Variants in DCC observed in about 807,000 individuals in gnomAD.
The protein encoded by DCC is DCC netrin 1 receptor.
A neutral mutation model predicts 172.5 loss-of-function variants in DCC; 58 were observed. The observed-to-expected ratio is 0.34, with a 90% CI of 0.27 to 0.42. The LOEUF (loss-of-function observed/expected upper bound fraction) is 0.42. DCC is among the 10% of genes least tolerant of loss of function. DCC has a pLI of 1.00. For missense variants in DCC, 1,740 were observed against 1,791.0 expected (o/e 0.97, Z 0.51); for synonymous variants, 709 against 644.5 (o/e 1.10, Z -1.52).
intron 1 of DCC, among the ~76,000 whole-genome samples, chr18:52,349,352 C>G (rs866714410): frequency 1.3e-5 from 2 of 152,162 alleles, no homozygotes; most frequent in African/African-American, 4.8e-5. Context: ...GACATCTAAG[C>G]AAACCCTCTG....
chr18:53,312,197 GTGT>G (rs539827331), intron 13 of DCC, among the ~76,000 whole-genome samples: 1 of 95,832 alleles, frequency 1.0e-5, no homozygotes, highest in African/African-American at 4.3e-5. Context: ...AATTAGCCTG[GTGT>G]GGTGGTGGCG....
At chr18:52,951,119 T>A (rs565093889) in intron 5 of DCC, among the ~76,000 whole-genome samples, 26 of 152,006 alleles carry the variant, frequency 1.7e-4, no homozygotes, top group South Asian at 2.1e-4. Context: ...TTCGGTAATG[T>A]TTCAGTTGAG....
At chr18:52,580,247 G>T (rs1185146602) in intron 1 of DCC, among the ~76,000 whole-genome samples, 1 of 152,152 alleles carries the variant, frequency 6.6e-6, no homozygotes, top group Non-Finnish European at 1.5e-5. Flanking sequence ...GACAAAATGA[G>T]ACTTTTGTTT....
intron 1 of DCC, among the ~76,000 whole-genome samples, chr18:52,471,412 TC>T (rs1412498204): frequency 1.3e-5 from 2 of 152,242 alleles, no homozygotes; most frequent in Non-Finnish European, 2.9e-5. Context: ...CAGACCTTTT[TC>T]ATCAGTTTGT....
intron 15 of DCC, among the ~76,000 whole-genome samples, chr18:53,361,590 C>T (rs201185104): frequency 3.9e-5 from 6 of 152,042 alleles, no homozygotes; most frequent in Non-Finnish European, 8.8e-5. Context: ...CTCAGCTATC[C>T]GAAAGAACTG....
chr18:52,986,737 C>CATATATATACACACACACGTGTAGT (rs2041299368), intron 5 of DCC, among the ~76,000 whole-genome samples: 2 of 151,808 alleles, frequency 1.3e-5, no homozygotes, highest in South Asian at 2.1e-4. Context: ...TACACACACA[C>CATATATATACACACACACGTGTAGT]ATATATATAC....
intron 2 of DCC, among the ~76,000 whole-genome samples, chr18:52,819,509 A>T (rs1421033209): frequency 1.3e-5 from 2 of 152,180 alleles, no homozygotes; most frequent in African/African-American, 4.8e-5. Flanking sequence ...ATAATGATTC[A>T]TGTGGTCTTA....
At chr18:52,751,081 T>C (rs1178214347) in intron 1 of DCC, among the ~76,000 whole-genome samples, 1 of 152,150 alleles carries the variant, frequency 6.6e-6, no homozygotes, top group African/African-American at 2.4e-5. Context: ...CTTAAAATGA[T>C]TAAATATTGA....
At chr18:52,413,214 T>C (rs1986901086) in intron 1 of DCC, among the ~76,000 whole-genome samples, 1 of 151,564 alleles carries the variant, frequency 6.6e-6, no homozygotes, top group Admixed American at 6.6e-5. Context: ...TACATAGAAG[T>C]GTTTGTTAAA....
chr18:53,451,227 C>G (rs1340347285), intron 23 of DCC, among the ~76,000 whole-genome samples: 8 of 152,170 alleles, frequency 5.3e-5, no homozygotes, highest in African/African-American at 1.7e-4. Flanking sequence ...GGTTAATTGT[C>G]AGAAATTAAA....
intron 1 of DCC, among the ~76,000 whole-genome samples, chr18:52,535,650 G>T (rs1289757645): frequency 1.3e-5 from 2 of 152,022 alleles, no homozygotes; most frequent in African/African-American, 2.4e-5. Flanking sequence ...GAAAGCAAAT[G>T]ATTTTGCAAA....
chr18:52,631,587 C>T (rs756651987), intron 1 of DCC, among the ~76,000 whole-genome samples: 11 of 152,184 alleles, frequency 7.2e-5, no homozygotes, highest in Non-Finnish European at 1.0e-4. Flanking sequence ...ATGTCTTCCT[C>T]GGAATCGGAA....
intron 24 of DCC, among the ~76,000 whole-genome samples, chr18:53,461,128 G>A (rs1427905483): frequency 6.6e-6 from 1 of 152,162 alleles, no homozygotes; most frequent in Non-Finnish European, 1.5e-5. Flanking sequence ...TGATGGGGTT[G>A]TTTGTTATTT....
chr18:52,792,090 T>C (rs1274448351), intron 2 of DCC, among the ~76,000 whole-genome samples: 5 of 152,054 alleles, frequency 3.3e-5, no homozygotes, highest in Admixed American at 2.6e-4. Context: ...GGACTGACAA[T>C]GTGCCTCATG....
intron 1 of DCC, among the ~76,000 whole-genome samples, chr18:52,685,095 AT>A (rs2035809084): frequency 6.6e-6 from 1 of 152,106 alleles, no homozygotes; most frequent in South Asian, 2.1e-4. Flanking sequence ...AAGGAATAAT[AT>A]TGTCTGTATG....
At position 53,532,183 on chromosome 18, in the gene DCC, A is replaced by G. The variant is rs180923482; in HGVS notation, c.*1530A>G. 7.9e-5 allele frequency: 12 copies of G among 152,286 alleles called. No homozygotes were observed. The East Asian group carries it at 2.3e-3, about 29-fold the overall frequency. 9.4% of individuals were successfully genotyped at this position (152,286 alleles called of 1,614,324 possible). ...TTGATTTCAAGCTTGAGTAGGTCAT[A>G]ATTTTAAAAGAGCATGGAAGGGATA... is the stretch of plus-strand genomic sequence containing the variant. On this transcript the variant is annotated 3_prime_UTR_variant, in exon 29 of 29. Coordinates refer to ENST00000442544, the MANE Select transcript of DCC (RefSeq NM_005215.4).
chr18:53,003,429 C>T (rs972258283), intron 5 of DCC, among the ~76,000 whole-genome samples: 2 of 152,052 alleles, frequency 1.3e-5, no homozygotes, highest in African/African-American at 4.8e-5. Flanking sequence ...GTTGGGACCA[C>T]ACAGATGTGG....
intron 2 of DCC, among the ~76,000 whole-genome samples, chr18:52,856,500 C>T (rs2039055383): frequency 6.6e-6 from 1 of 151,562 alleles, no homozygotes; most frequent in Admixed American, 6.6e-5. Context: ...GTGGCGGGCA[C>T]CTGTAGTTCC....
intron 1 of DCC, among the ~76,000 whole-genome samples, chr18:52,622,878 C>T (rs1198977050): frequency 6.6e-6 from 1 of 152,194 alleles, no homozygotes; most frequent in East Asian, 1.9e-4. Context: ...AATTTTTGTT[C>T]ATGATTACTC....
Sources: gnomAD v4.1 joint callset for allele counts (sites outside exome capture counted in the v4.1 genomes callset) on GRCh38, gnomAD v4.1.1 for gene constraint, MANE v1.5 for transcripts, NCBI Gene and HGNC (gene_info 2026-07-23, HGNC 2026-07-21) for gene names.